The following EPHA4 variants were observed in gnomAD, a reference collection of about 807,000 sequenced individuals.
EPHA4 encodes ephrin type-A receptor 4.
A neutral mutation model predicts 108.3 loss-of-function variants in EPHA4; 19 were observed. The observed-to-expected ratio is 0.18, with a 90% confidence interval of 0.12 to 0.26. The LOEUF (loss-of-function observed/expected upper bound fraction) is 0.26. Among genes scored for constraint, EPHA4 ranks in the 10% least tolerant of loss-of-function variants. The pLI is 1.00. For synonymous variants in EPHA4, 449 were observed against 455.5 expected (o/e 0.99, Z 0.18); for missense variants, 917 against 1,254.0 (o/e 0.73, Z 4.06).
chr2:221,497,628 C>T (rs889042081), intron 4 of EPHA4, among the ~76,000 whole-genome samples: 2 of 151,884 alleles, frequency 1.3e-5, no homozygotes, highest in African/African-American at 4.8e-5. Flanking sequence ...GTCCCAGCTA[C>T]TCGGGAGGCT....
chr2:221,429,977 T>A lies in EPHA4; in HGVS notation c.2671A>T (p.Thr891Ser), dbSNP rs1448349123. ...GCTGACCTGGAGCTCTCCGTCCCTG[T>A]CCTCTTCAAGCTGTTGGGGTTGCGG... ...LIRNPNSLKRTGTESSRPNTA... is the reference protein window; with the variant it reads ...LIRNPNSLKRSGTESSRPNTA... The change falls in exon 15 of 18, where the codon ACA becomes TCA. Residue 891 changes from threonine (T) to serine (S), a missense_variant. Physicochemically the swap from Thr to Ser is moderately conservative, Grantham distance 58. Coordinates refer to ENST00000281821, the MANE Select transcript of EPHA4 (RefSeq NM_004438.5). The A allele has an allele frequency of 6.2e-7, 1 of 1,614,080 alleles. No individual in the cohort carries two copies. The highest frequency in any genetic ancestry group is 8.5e-7 in the Non-Finnish European group (1 of 1,179,994).
chr2:221,430,783 T>C (rs755199126), intron 14 of EPHA4, among the ~76,000 whole-genome samples: 1 of 152,222 alleles, frequency 6.6e-6, no homozygotes, highest in Non-Finnish European at 1.5e-5. Flanking sequence ...TGTTAGTAAG[T>C]AGATTTTTTT....
intron 3 of EPHA4, among the ~76,000 whole-genome samples, chr2:221,544,804 T>G (rs1356227931): frequency 1.3e-5 from 2 of 152,162 alleles, no homozygotes; most frequent in African/African-American, 4.8e-5. Flanking sequence ...GAGATCTTAT[T>G]CTGATAAGGC....
At chr2:221,432,729 C>T (rs1221110155) in intron 14 of EPHA4, among the ~76,000 whole-genome samples, 1 of 151,728 alleles carries the variant, frequency 6.6e-6, no homozygotes, top group African/African-American at 2.4e-5. Flanking sequence ...CTGCAACCTC[C>T]GCCTCCCAGG....
intron 5 of EPHA4, among the ~76,000 whole-genome samples, chr2:221,476,259 C>T (rs1430210): frequency 0.51 from 77,843 of 151,858 alleles, 20,317 homozygotes; most frequent in Non-Finnish European, 0.56. Flanking sequence ...TGATCTCAGA[C>T]CACAACTCAG....
chr2:221,446,727 T>A (rs1690605147), intron 8 of EPHA4, among the ~76,000 whole-genome samples: 1 of 152,266 alleles, frequency 6.6e-6, no homozygotes, highest in East Asian at 1.9e-4. Context: ...AAACAATACT[T>A]TTGCGGTCAC....
intron 17 of EPHA4, among the ~76,000 whole-genome samples, chr2:221,423,474 T>C (rs1689812360): frequency 6.6e-6 from 1 of 152,208 alleles, no homozygotes; most frequent in African/African-American, 2.4e-5. Context: ...GGAAAGTCCT[T>C]TTTTGGCCTT....
intron 16 of EPHA4, 160 bp from the exon 17 acceptor site, chr2:221,426,302 TG>T (rs1689908086): frequency 2.9e-6 from 3 of 1,022,514 alleles, no homozygotes; most frequent in Non-Finnish European, 4.2e-6. Context: ...AATGCAAGAA[TG>T]TAGATACTTT....
chr2:221,546,597 C>T (rs1441062144), intron 3 of EPHA4, among the ~76,000 whole-genome samples: 2 of 152,030 alleles, frequency 1.3e-5, no homozygotes, highest in Non-Finnish European at 2.9e-5. Context: ...AGGTCCTTCC[C>T]ATTTAAATAT....
chr2:221,462,120 G>A (rs1441692584), intron 5 of EPHA4, among the ~76,000 whole-genome samples: 3 of 151,490 alleles, frequency 2.0e-5, no homozygotes, highest in Non-Finnish European at 4.4e-5. Context: ...CCAGACAAAT[G>A]CAGGCATTCT....
intron 2 of EPHA4, among the ~76,000 whole-genome samples, chr2:221,565,684 C>T (rs1049687793): frequency 6.6e-6 from 1 of 152,086 alleles, no homozygotes; most frequent in South Asian, 2.1e-4. Flanking sequence ...TTTTCATCTG[C>T]CACCATTATA....
intron 3 of EPHA4, among the ~76,000 whole-genome samples, chr2:221,551,212 A>G (rs1304981595): frequency 6.6e-6 from 1 of 152,132 alleles, no homozygotes; most frequent in Non-Finnish European, 1.5e-5. Flanking sequence ...TTAACTGAAA[A>G]CTTATTAGTA....
chr2:221,426,969 C>T (rs1407300864), intron 15 of EPHA4, among the ~76,000 whole-genome samples: 1 of 152,190 alleles, frequency 6.6e-6, no homozygotes, highest in Non-Finnish European at 1.5e-5. Context: ...AGAAAGAGTC[C>T]AGTCTCTGCC....
intron 3 of EPHA4, among the ~76,000 whole-genome samples, chr2:221,548,471 G>A (rs1170694092): frequency 2.0e-5 from 3 of 152,004 alleles, no homozygotes; most frequent in Non-Finnish European, 4.4e-5. Flanking sequence ...AGCTTCCTGA[G>A]GCCTCACCAG....
At chr2:221,473,349 T>C (rs1180775135) in intron 5 of EPHA4, among the ~76,000 whole-genome samples, 1 of 151,990 alleles carries the variant, frequency 6.6e-6, no homozygotes, top group East Asian at 1.9e-4. Context: ...TCCTCACCAG[T>C]CTTTACCTGA....
intron 3 of EPHA4, 161 bp from the exon 4 acceptor site, chr2:221,501,333 T>C: frequency 3.5e-6 from 2 of 575,280 alleles, no homozygotes; most frequent in South Asian, 3.0e-5. Flanking sequence ...AAAGCATTCA[T>C]TGAGTATAGT....
intron 9 of EPHA4, among the ~76,000 whole-genome samples, chr2:221,444,645 G>T (rs1690531080): frequency 6.6e-6 from 1 of 150,380 alleles, no homozygotes; most frequent in Non-Finnish European, 1.5e-5. Context: ...TAAATGGAAA[G>T]TTGTTAGACA....
At chr2:221,435,613 C>G (rs2106098030) in intron 13 of EPHA4, among the ~76,000 whole-genome samples, 1 of 152,186 alleles carries the variant, frequency 6.6e-6, no homozygotes, top group African/African-American at 2.4e-5. Context: ...TTAACAGTGT[C>G]AGTGTTAATG....
chr2:221,548,225 C>T (rs1172291230), intron 3 of EPHA4, among the ~76,000 whole-genome samples: 5 of 152,130 alleles, frequency 3.3e-5, no homozygotes, highest in Non-Finnish European at 5.9e-5. Flanking sequence ...GGCGTGGCGC[C>T]GCATGCCTGT....
Sources: allele counts gnomAD v4.1 joint callset (sites outside exome capture counted in the v4.1 genomes callset), GRCh38; gene constraint gnomAD v4.1.1; transcripts MANE v1.5; gene names NCBI Gene and HGNC (gene_info 2026-07-23, HGNC 2026-07-21).